The following AHRR variants were observed in gnomAD, a reference collection of about 807,000 sequenced individuals.
The protein encoded by AHRR is aryl hydrocarbon receptor repressor.
AHRR carries 28 observed loss-of-function variants against 44.0 expected under a neutral mutation model. The ratio of observed to expected loss-of-function variants is 0.64; its 90% CI spans 0.47 to 0.87. The LOEUF (loss-of-function observed/expected upper bound fraction) is 0.87, where lower values mean the gene tolerates loss of function less well. Among genes scored for constraint, AHRR ranks in the 40% least tolerant of loss-of-function variants. The pLI, the probability that AHRR is intolerant of heterozygous loss-of-function variation, is 0.00. For synonymous variants in AHRR, 434 were observed against 407.0 expected, an observed-to-expected ratio of 1.07 and a Z score of -0.80; for missense variants, 990 against 953.9, an observed-to-expected ratio of 1.04 and a Z score of -0.50.
intron 3 of AHRR, among the ~76,000 whole-genome samples, chr5:359,669 A>G (rs973127063): frequency 3.9e-5 from 6 of 152,064 alleles, no homozygotes; most frequent in Admixed American, 3.9e-4. Flanking sequence ...GTTCCTTTGC[A>G]TCCACCGTGC....
chr5:414,090 C>G (rs1319648162), intron 5 of AHRR, among the ~76,000 whole-genome samples: 3 of 152,168 alleles, frequency 2.0e-5, no homozygotes, highest in Non-Finnish European at 4.4e-5. Flanking sequence ...TGGTGAAACC[C>G]TGTCTCTACT....
At chr5:330,498 C>T (rs924511997) in intron 1 of AHRR, among the ~76,000 whole-genome samples, 61 of 152,054 alleles carry the variant, frequency 4.0e-4, no homozygotes, top group African/African-American at 1.4e-3. Context: ...CTCAGCCTCC[C>T]GAGTAGCTAG....
intron 3 of AHRR, among the ~76,000 whole-genome samples, chr5:359,636 C>T (rs181435467): frequency 2.1e-4 from 32 of 152,332 alleles, no homozygotes; most frequent in Middle Eastern, 3.4e-3. Flanking sequence ...ACTCATCACC[C>T]GCAGCAGCAT....
intron 1 of AHRR, among the ~76,000 whole-genome samples, chr5:325,004 G>A (rs550430481): frequency 7.2e-5 from 11 of 152,334 alleles, no homozygotes; most frequent in South Asian, 2.1e-4. Context: ...CTGGGAGAAC[G>A]TGGCTTTGCC....
intron 1 of AHRR, among the ~76,000 whole-genome samples, chr5:336,884 G>GT (rs976925567): frequency 4.0e-5 from 6 of 150,726 alleles, no homozygotes; most frequent in South Asian, 2.1e-4. Context: ...GTGTGGCTTT[G>GT]TTTTTTTTTC....
intron 1 of AHRR, among the ~76,000 whole-genome samples, chr5:333,183 C>T (rs1741991854): frequency 6.6e-6 from 1 of 152,154 alleles, no homozygotes; most frequent in East Asian, 1.9e-4. Flanking sequence ...GCTGAGATTA[C>T]AGGCTTGAGG....
Position 337,590 on chromosome 5 carries a change from G to A in AHRR, c.-10-6303G>A, listed in dbSNP as rs189668971. On this transcript the variant is annotated intron_variant, in intron 1 of 10. Transcript: ENST00000684583. This position sits in a 1 kb window ranked among gnomAD's most constrained non-coding sequence, Gnocchi z 4.1. Reference sequence around the variant, plus strand: ...GTAGAGATGAGGTCTCACTGTGTTGGCGTTTTATATTTTAAATTTTTTTTT... The same window carrying A: ...GTAGAGATGAGGTCTCACTGTGTTGACGTTTTATATTTTAAATTTTTTTTT... Among the ~76,000 whole-genome samples, 340 of 152,230 alleles carry A rather than the reference G, an allele frequency of 2.2e-3. 3 individuals carry two copies. Among genetic ancestry groups the A allele is most frequent in the Middle Eastern group, 0.02 (6 of 294 alleles).
At chr5:354,896 T>C (rs547118770) in intron 3 of AHRR, among the ~76,000 whole-genome samples, 1 of 152,146 alleles carries the variant, frequency 6.6e-6, no homozygotes, top group African/African-American at 2.4e-5. Context: ...GCCCATGGGC[T>C]GCGGGAAGGA....
At chr5:432,344 A>C in intron 8 of AHRR, 119 bp from the exon 9 acceptor site, 1 of 912,468 alleles carries the variant, frequency 1.1e-6, no homozygotes. Context: ...TTCTGTCTTC[A>C]CTGCTCAGGT....
At chr5:335,557 C>G (rs73041255) in intron 1 of AHRR, among the ~76,000 whole-genome samples, 15,048 of 152,256 alleles carry the variant, frequency 0.099, 2,403 homozygotes, top group African/African-American at 0.34. Flanking sequence ...CAAGCTTGCT[C>G]TAGCCCCCTG....
rs143795172 is a variant in AHRR at position 371,240 on chromosome 5, C to T, written c.245-5370C>T. ...AAGACCACTGGCTTCACCGAGCCCA[C>T]GGATTCAAATGGGACCGCCATCTGG... On this transcript the variant is annotated intron_variant, in intron 3 of 10. Transcript: ENST00000684583. 4.9e-3 allele frequency among the ~76,000 whole-genome samples: 743 copies of T among 152,302 alleles called. 5 individuals carry two copies. The highest frequency in any genetic ancestry group is 0.017 in the African/African-American group (691 of 41,556).
At chr5:334,112 A>G (rs534898899) in intron 1 of AHRR, among the ~76,000 whole-genome samples, 1 of 152,206 alleles carries the variant, frequency 6.6e-6, no homozygotes, top group East Asian at 1.9e-4. Context: ...TTTCCTTTAT[A>G]GGTGACTAGA....
intron 7 of AHRR, 83 bp from the exon 8 acceptor site, chr5:427,724 C>A: frequency 1.2e-6 from 2 of 1,613,718 alleles, no homozygotes; most frequent in Non-Finnish European, 1.7e-6. Flanking sequence ...CAGCCGCTGT[C>A]GCGCCCTTGA....
chr5:333,210 T>C (rs1741992476), intron 1 of AHRR, among the ~76,000 whole-genome samples: 1 of 152,192 alleles, frequency 6.6e-6, no homozygotes, highest in African/African-American at 2.4e-5. Flanking sequence ...GCCCAGCCTA[T>C]GTGTGCCTTT....
intron 5 of AHRR, among the ~76,000 whole-genome samples, chr5:415,863 G>A (rs1735785460): frequency 6.6e-6 from 1 of 152,190 alleles, no homozygotes; most frequent in Admixed American, 6.5e-5. Context: ...ATAAGAGCTG[G>A]GCTTTTGAAT....
At chr5:344,965 G>GT (rs202034755) in intron 2 of AHRR, among the ~76,000 whole-genome samples, 15 of 13,436 alleles carry the variant, frequency 1.1e-3, no homozygotes, top group Admixed American at 2.9e-3. Context: ...GTGTGAGGTT[G>GT]GGGGCTGTGT....
intron 2 of AHRR, among the ~76,000 whole-genome samples, chr5:352,110 T>A (rs1742877656): frequency 6.6e-6 from 1 of 152,274 alleles, no homozygotes; most frequent in Admixed American, 6.5e-5. Flanking sequence ...GGCTGCCATC[T>A]TTTCTTTCGC....
intron 2 of AHRR, among the ~76,000 whole-genome samples, chr5:344,814 G>A (rs1421163246): frequency 7.0e-6 from 1 of 142,144 alleles, no homozygotes; most frequent in Non-Finnish European, 1.5e-5. Context: ...TGTGTGTGCG[G>A]GTGTGTGTGG....
At chr5:363,834 T>C (rs1743264554) in intron 3 of AHRR, among the ~76,000 whole-genome samples, 1 of 152,162 alleles carries the variant, frequency 6.6e-6, no homozygotes, top group South Asian at 2.1e-4. Context: ...AGCCCTCCTG[T>C]CAAACTTGAG....
Sources: gnomAD v4.1 joint callset for allele counts (sites outside exome capture counted in the v4.1 genomes callset) on GRCh38, gnomAD v4.1.1 for gene constraint, Gnocchi (gnomAD v3.1) non-coding constraint, MANE v1.5 for transcripts, NCBI Gene and HGNC (gene_info 2026-07-23, HGNC 2026-07-21) for gene names.